Variants in ASH1L observed in about 807,000 individuals in gnomAD.
ASH1L encodes the protein histone-lysine N-methyltransferase ASH1L.
Under a neutral mutation model 269.0 loss-of-function variants are expected in ASH1L, and 23 were observed. That is an observed-to-expected ratio of 0.09 (90% confidence interval 0.06 to 0.12). The LOEUF is 0.12. Among genes scored for constraint, ASH1L ranks in the 10% least tolerant of loss-of-function variants. The pLI, the probability that ASH1L is intolerant of heterozygous loss-of-function variation, is 1.00. For synonymous variants in ASH1L, 1,187 were observed against 1,253.5 expected, an observed-to-expected ratio of 0.95 and a Z score of 1.12; for missense variants, 2,912 against 3,567.8, an observed-to-expected ratio of 0.82 and a Z score of 4.68.
At chr1:155,506,351 T>C (rs540566781) in intron 2 of ASH1L, among the ~76,000 whole-genome samples, 60 of 152,304 alleles carry the variant, frequency 3.9e-4, no homozygotes, top group Middle Eastern at 3.4e-3. Context: ...AGGCAAATAA[T>C]CTCTACCGAG....
chr1:155,338,664 T>A (rs1652516759), intron 26 of ASH1L, among the ~76,000 whole-genome samples: 1 of 152,240 alleles, frequency 6.6e-6, no homozygotes, highest in Admixed American at 6.5e-5. Flanking sequence ...CTAATAAAAT[T>A]GCTTAGCTGG....
rs1665887574 is a variant in ASH1L, at chr1:155,480,653, T to G, written c.2217A>C (p.Ser739=). 6.2e-7 allele frequency: 1 copy of G among 1,613,976 alleles called. No individual in the cohort carries two copies. The highest frequency in any genetic ancestry group is 1.3e-5 in the African/African-American group (1 of 74,932). Residue 739 remains serine (S), a synonymous_variant, in exon 3 of 28, where the codon TCA becomes TCC. Transcript: ENST00000392403. The stretch of plus-strand genomic sequence containing the variant: ...TACATGAAACGTTTTTAAAAAGCTC[T>G]GATCTTTCTAATTCTAGCCCTTTTG... The part of the protein sequence containing the change: ...RSPKGLELER[S]ELFKNVSCSS...
intron 16 of ASH1L, among the ~76,000 whole-genome samples, chr1:155,353,821 T>C (rs1654131006): frequency 6.6e-6 from 1 of 152,176 alleles, no homozygotes; most frequent in South Asian, 2.1e-4. Flanking sequence ...CCACTGATAA[T>C]TACCCGTCCC....
At chr1:155,351,199 T>C (rs1428263617) in intron 17 of ASH1L, among the ~76,000 whole-genome samples, 1 of 150,644 alleles carries the variant, frequency 6.6e-6, no homozygotes, top group Non-Finnish European at 1.5e-5. Flanking sequence ...GAGCCAAGAT[T>C]GTGCCACTGC....
At chr1:155,474,294 G>A (rs1214890811) in intron 3 of ASH1L, among the ~76,000 whole-genome samples, 1 of 152,242 alleles carries the variant, frequency 6.6e-6, no homozygotes, top group East Asian at 1.9e-4. Flanking sequence ...CAAATACTCA[G>A]AGGAAATGCT....
chr1:155,338,038 T>C (rs1335520296), intron 27 of ASH1L, 51 bp downstream of exon 27: 1 of 1,554,694 alleles, frequency 6.4e-7, no homozygotes, highest in Admixed American at 1.9e-5. Context: ...TTCCATTCCC[T>C]CTCATTTCGC....
chr1:155,520,712 A>T (rs1571051219), intron 2 of ASH1L, among the ~76,000 whole-genome samples: 1 of 151,812 alleles, frequency 6.6e-6, no homozygotes, highest in South Asian at 2.1e-4. Flanking sequence ...AAAACACAAA[A>T]TTAGCTCGGT....
intron 4 of ASH1L, among the ~76,000 whole-genome samples, chr1:155,451,901 A>C (rs1426018819): frequency 6.6e-6 from 1 of 151,706 alleles, no homozygotes; most frequent in African/African-American, 2.4e-5. Context: ...TTATATTTTT[A>C]GTAGAGATGG....
intron 3 of ASH1L, among the ~76,000 whole-genome samples, chr1:155,475,284 G>A (rs1333443982): frequency 2.0e-5 from 3 of 152,032 alleles, no homozygotes; most frequent in Non-Finnish European, 4.4e-5. Flanking sequence ...CTACAGGCAC[G>A]TGCCACCATG....
At chr1:155,555,663 G>C (rs1015131837) in intron 1 of ASH1L, among the ~76,000 whole-genome samples, 9 of 152,210 alleles carry the variant, frequency 5.9e-5, no homozygotes, top group African/African-American at 2.2e-4. Flanking sequence ...AATAGCATAG[G>C]AACTGTTCTA....
chr1:155,470,063 T>C (rs2148699533), intron 3 of ASH1L, among the ~76,000 whole-genome samples: 1 of 152,292 alleles, frequency 6.6e-6, no homozygotes, highest in African/African-American at 2.4e-5. Flanking sequence ...TCACACATTA[T>C]TCTTCGCTGC....
intron 1 of ASH1L, among the ~76,000 whole-genome samples, chr1:155,532,969 A>ATT (rs1449528079): frequency 6.9e-6 from 1 of 145,494 alleles, no homozygotes; most frequent in Non-Finnish European, 1.5e-5. Flanking sequence ...ATGGGGGGAG[A>ATT]GAGAGAGAGA....
intron 5 of ASH1L, among the ~76,000 whole-genome samples, chr1:155,418,737 G>A (rs574190353): frequency 2.0e-5 from 3 of 152,220 alleles, no homozygotes; most frequent in South Asian, 2.1e-4. Flanking sequence ...CCAGTATATC[G>A]TAATAAACTT....
intron 2 of ASH1L, among the ~76,000 whole-genome samples, chr1:155,490,665 CTCTT>C (rs1184918281): frequency 2.0e-4 from 30 of 151,578 alleles, no homozygotes; most frequent in African/African-American, 5.3e-4. Context: ...CTCTCTCTCT[CTCTT>C]TTTCTGGCCA....
intron 7 of ASH1L, among the ~76,000 whole-genome samples, chr1:155,393,593 C>T (rs1658120106): frequency 1.3e-5 from 2 of 149,494 alleles, no homozygotes; most frequent in Admixed American, 1.3e-4. Context: ...CTCACTCTGT[C>T]GTCCAGGCTG....
Position 155,451,883 on chromosome 1 carries a change from G to A in ASH1L, c.5086+7914C>T, listed in dbSNP as rs192001882. ...CTACAGGCATGTGTCACCATGGCCG[G>A]CTAATTTTTATATTTTTAGTAGAGA... is the stretch of plus-strand genomic sequence containing the variant. On this transcript the variant is annotated intron_variant, in intron 4 of 27. Coordinates refer to ENST00000392403, the MANE Select transcript of ASH1L (RefSeq NM_018489.3). 2.3e-3 allele frequency among the ~76,000 whole-genome samples: 346 copies of A among 151,906 alleles called. 1 individual carries two copies. Among genetic ancestry groups the A allele is most frequent in the African/African-American group, 7.7e-3 (319 of 41,440 alleles).
Position 155,352,954 on chromosome 1 carries a change from C to G in ASH1L, c.7214-96G>C, listed in dbSNP as rs1203387852. 39 of 1,225,426 alleles carry G rather than the reference C, an allele frequency of 3.2e-5. No individual in the cohort carries two copies. In the South Asian group the frequency reaches 5.9e-4, roughly 18 times the overall value. 75.9% of individuals were successfully genotyped at this position (1,225,426 alleles called of 1,614,324 possible). ...ATTCCTGCCATTTGCTCTATTTTCC[C>G]CTGAAGTGATTAGGTAGATTAGTGG... On this transcript the variant is annotated intron_variant, in intron 16 of 27. Transcript: ENST00000392403.
chr1:155,346,564 T>C (rs1653351856), intron 20 of ASH1L, 95 bp from the exon 21 acceptor site: 2 of 993,534 alleles, frequency 2.0e-6, no homozygotes, highest in East Asian at 4.8e-5. Context: ...TAGGTCAGGG[T>C]AAAGTAAAAG....
intron 1 of ASH1L, among the ~76,000 whole-genome samples, chr1:155,550,572 C>A (rs1671128623): frequency 1.3e-5 from 2 of 152,182 alleles, no homozygotes; most frequent in Non-Finnish European, 2.9e-5. Context: ...GGCTTATGCT[C>A]ATGCCCCAGA....
Sources: gnomAD v4.1 joint callset for allele counts (sites outside exome capture counted in the v4.1 genomes callset) on GRCh38, gnomAD v4.1.1 for gene constraint, MANE v1.5 for transcripts, NCBI Gene and HGNC (gene_info 2026-07-23, HGNC 2026-07-21) for gene names.